ANO1: variants seen among roughly 807,000 people sequenced by gnomAD.
The protein encoded by ANO1 is anoctamin 1.
A neutral mutation model predicts 124.0 loss-of-function variants in ANO1; 59 were observed. That is an observed-to-expected ratio of 0.48 (90% CI 0.39 to 0.59). The LOEUF (loss-of-function observed/expected upper bound fraction) is 0.59, where lower values mean the gene tolerates loss of function less well. ANO1 is among the 20% of genes least tolerant of loss of function. The pLI, the probability that ANO1 is intolerant of heterozygous loss-of-function variation, is 0.00. For synonymous variants in ANO1, 529 were observed against 532.0 expected (o/e 0.99, Z 0.08); for missense variants, 1,059 against 1,328.0 (o/e 0.80, Z 3.15).
At chr11:70,095,171 A>G (rs1473443444) in intron 2 of ANO1, among the ~76,000 whole-genome samples, 2 of 150,542 alleles carry the variant, frequency 1.3e-5, no homozygotes, top group East Asian at 3.9e-4. Flanking sequence ...GCGCCACCAC[A>G]CTTCAGCCTG....
intron 2 of ANO1, among the ~76,000 whole-genome samples, chr11:70,098,525 CA>C (rs1227065683): frequency 1.3e-5 from 2 of 152,188 alleles, no homozygotes; most frequent in Non-Finnish European, 2.9e-5. Flanking sequence ...ACCCCGACGC[CA>C]TGATTGAGGG....
chr11:70,063,526 A>T (rs1857644900), intron 1 of ANO1, among the ~76,000 whole-genome samples: 1 of 152,064 alleles, frequency 6.6e-6, no homozygotes, highest in Non-Finnish European at 1.5e-5. Flanking sequence ...CATGTACCTC[A>T]CCTATGATGT....
chr11:70,048,837 T>TGG (rs1333092659), intron 1 of ANO1, among the ~76,000 whole-genome samples: 1 of 151,922 alleles, frequency 6.6e-6, no homozygotes, highest in Non-Finnish European at 1.5e-5. Flanking sequence ...TTATATCCCT[T>TGG]GGGGGGGCCT....
intron 1 of ANO1, among the ~76,000 whole-genome samples, chr11:69,986,420 G>A (rs1187552242): frequency 6.6e-6 from 1 of 152,084 alleles, no homozygotes; most frequent in Admixed American, 6.5e-5. Flanking sequence ...CAGAGCCCCG[G>A]GGCTGGGCTG....
chr11:70,051,365 G>A (rs1366717004), intron 1 of ANO1, among the ~76,000 whole-genome samples: 1 of 152,212 alleles, frequency 6.6e-6, no homozygotes, highest in Non-Finnish European at 1.5e-5. Flanking sequence ...CTGTTGATGA[G>A]CATTTGGGTT....
intron 1 of ANO1, among the ~76,000 whole-genome samples, chr11:70,019,580 T>C (rs1358396984): frequency 6.6e-6 from 1 of 151,860 alleles, no homozygotes; most frequent in Non-Finnish European, 1.5e-5. Flanking sequence ...TTCCCAAGTA[T>C]GCATTCAGTG....
chr11:70,158,839 C>A (rs2047927344), intron 16 of ANO1, among the ~76,000 whole-genome samples: 1 of 83,382 alleles, frequency 1.2e-5, no homozygotes, highest in Non-Finnish European at 2.7e-5. Context: ...GAAGGGGACC[C>A]CCTCGGTGGG....
At chr11:69,988,578 A>G (rs1048348666) in intron 1 of ANO1, among the ~76,000 whole-genome samples, 5 of 152,174 alleles carry the variant, frequency 3.3e-5, no homozygotes, top group African/African-American at 1.2e-4. Flanking sequence ...GACTGATCCT[A>G]TAACCTGCTC....
rs117420892 is a variant in ANO1 at position 70,019,081 on chromosome 11, G to A, written c.58+32915G>A. Among the ~76,000 whole-genome samples the A allele has an allele frequency of 2.6e-5, 4 of 152,356 alleles. No individual in the cohort carries two copies. In the East Asian group the frequency reaches 7.7e-4, roughly 29 times the overall value. ...TGGGTGCCAGGGAGGGCTTCTTGGAGGAGGTGCCCCATTCATTCATTTATT... is the reference window on the plus strand; with the variant it reads ...TGGGTGCCAGGGAGGGCTTCTTGGAAGAGGTGCCCCATTCATTCATTTATT... On this transcript the variant is annotated intron_variant, in intron 1 of 27. Transcript: ENST00000531349.
At chr11:69,968,033 C>A in the ANO1 span, among the ~76,000 whole-genome samples, 1 of 152,148 alleles carries the variant, frequency 6.6e-6, no homozygotes, top group Non-Finnish European at 1.5e-5. Flanking sequence ...GCCTTCCTGG[C>A]ATCAGGGGTG....
chr11:70,012,139 C>T (rs1334333303), intron 1 of ANO1, among the ~76,000 whole-genome samples: 2 of 152,168 alleles, frequency 1.3e-5, no homozygotes, highest in African/African-American at 4.8e-5. Context: ...CTCATCCATT[C>T]TTTCATCCAT....
At chr11:70,159,877 A>G (rs532529141) in intron 16 of ANO1, among the ~76,000 whole-genome samples, 1 of 152,358 alleles carries the variant, frequency 6.6e-6, no homozygotes, top group South Asian at 2.1e-4. Context: ...CACGCCTCGC[A>G]GCAGGGCTTC....
intron 7 of ANO1, among the ~76,000 whole-genome samples, chr11:70,115,688 C>T (rs1286331329): frequency 6.6e-6 from 1 of 152,178 alleles, no homozygotes; most frequent in Admixed American, 6.5e-5. Flanking sequence ...CCCTGAACCT[C>T]GACAGGGCCG....
chr11:69,977,393 C>T, the ANO1 span, among the ~76,000 whole-genome samples: 1 of 152,256 alleles, frequency 6.6e-6, no homozygotes, highest in African/African-American at 2.4e-5. Context: ...CAACCCCAAG[C>T]TCCCTGCTTG....
chr11:70,188,166 GT>G lies in ANO1; in HGVS notation c.*166del. ...TAGGACATTTTCCTTTCTTCTTTCT[GT>G]TTTCTTTCCCTTGTTTTTGCACAAA... On this transcript the variant is annotated 3_prime_UTR_variant, in exon 26 of 26. Transcript: ENST00000355303. 2.3e-6 allele frequency: 2 copies of G among 854,740 alleles called. No individual in the cohort carries two copies. The highest frequency in any genetic ancestry group is 3.5e-6 in the Non-Finnish European group (2 of 571,700). The allele number at this position is 854,740 out of a possible 1,614,324, so 52.9% of individuals were successfully genotyped here.
intron 9 of ANO1, among the ~76,000 whole-genome samples, chr11:70,125,784 C>T (rs2046483454): frequency 6.7e-6 from 1 of 149,428 alleles, no homozygotes; most frequent in Non-Finnish European, 1.5e-5. Flanking sequence ...GTGGAGCTTG[C>T]AGTGAGCCGA....
intron 5 of ANO1, among the ~76,000 whole-genome samples, chr11:70,106,807 A>G (rs973514522): frequency 6.6e-6 from 1 of 152,192 alleles, no homozygotes; most frequent in African/African-American, 2.4e-5. Flanking sequence ...CCTCCACACC[A>G]TTCAATCTGT....
At position 70,182,539 on chromosome 11, in the gene ANO1, G is replaced by C; in HGVS notation, c.2441G>C (p.Arg814Pro). 6.2e-7 allele frequency: 1 copy of C among 1,606,250 alleles called. No individual in the cohort carries two copies. The highest frequency in any genetic ancestry group is 8.5e-7 in the Non-Finnish European group (1 of 1,176,234). Residue 814 changes from arginine (R) to proline (P), a missense_variant, in exon 24 of 26, where the codon CGC becomes CCC. Transcript: ENST00000355303. ...VISFTSDFIP[R>P]LVYLYMYSKN... is the part of the protein sequence containing the mutation. ...TCCTTCACGTCTGACTTCATCCCGC[G>C]CCTGGTGTACCTCTACATGTACAGT...
intron 11 of ANO1, among the ~76,000 whole-genome samples, chr11:70,137,102 C>T (rs1396928752): frequency 6.8e-6 from 1 of 147,464 alleles, no homozygotes; most frequent in African/African-American, 2.4e-5. Flanking sequence ...GCCTACAACC[C>T]AGCTCTGGTT....
Sources: gnomAD v4.1 joint callset for allele counts (sites outside exome capture counted in the v4.1 genomes callset) on GRCh38, gnomAD v4.1.1 for gene constraint, MANE v1.5 for transcripts, NCBI Gene and HGNC (gene_info 2026-07-23, HGNC 2026-07-21) for gene names.